The following GRID2 variants were observed in gnomAD, a reference collection of about 807,000 sequenced individuals.
GRID2 encodes glutamate ionotropic receptor delta type subunit 2.
A neutral mutation model predicts 114.8 loss-of-function variants in GRID2; 33 were observed. The ratio of observed to expected loss-of-function variants is 0.29; its 90% CI spans 0.22 to 0.38. The LOEUF is 0.38. GRID2 is among the 10% of genes least tolerant of loss of function. The pLI is 1.00. For synonymous variants in GRID2, 505 were observed against 449.9 expected, an observed-to-expected ratio of 1.12 and a Z score of -1.55; for missense variants, 1,184 against 1,257.7, an observed-to-expected ratio of 0.94 and a Z score of 0.89.
At chr4:92,652,527 TAA>T (rs1162534122) in intron 2 of GRID2, among the ~76,000 whole-genome samples, 4 of 150,718 alleles carry the variant, frequency 2.7e-5, no homozygotes, top group African/African-American at 9.8e-5. Context: ...AAAAAAAAAT[TAA>T]AAGTTAGCCA....
chr4:93,058,875 T>C (rs2149290172), intron 2 of GRID2, among the ~76,000 whole-genome samples: 1 of 152,140 alleles, frequency 6.6e-6, no homozygotes, highest in African/African-American at 2.4e-5. Flanking sequence ...TATATTAAAA[T>C]AACTGCATTA....
chr4:93,120,809 C>T lies in GRID2; in HGVS notation c.735+9856C>T, dbSNP rs1488704871. Among the ~76,000 whole-genome samples, 6 of 151,926 alleles carry T rather than the reference C, an allele frequency of 3.9e-5. No individual in the cohort carries two copies. In the South Asian group the frequency reaches 8.3e-4, roughly 21 times the overall value. On this transcript the variant is annotated intron_variant, in intron 4 of 15. Coordinates refer to ENST00000282020, the MANE Select transcript of GRID2 (RefSeq NM_001510.4). ...TCTACTAAAAACACAAAAAATTAGC[C>T]GGGCATGGTGGCGGGCACCTGTAGT...
chr4:93,333,425 T>G (rs1252588814), intron 8 of GRID2, among the ~76,000 whole-genome samples: 1 of 152,172 alleles, frequency 6.6e-6, no homozygotes. Context: ...TCCATAAACT[T>G]TTCAGTGTGT....
At chr4:92,569,892 T>C (rs1209850448) in intron 1 of GRID2, among the ~76,000 whole-genome samples, 2 of 152,152 alleles carry the variant, frequency 1.3e-5, no homozygotes, top group Non-Finnish European at 2.9e-5. Flanking sequence ...GCAAAAACTT[T>C]CTCCCATTCT....
At chr4:93,325,948 G>T (rs2149218140) in intron 8 of GRID2, among the ~76,000 whole-genome samples, 2 of 152,194 alleles carry the variant, frequency 1.3e-5, no homozygotes, top group Middle Eastern at 6.8e-3. Flanking sequence ...TACATTTTGT[G>T]TTACTCCTTT....
intron 1 of GRID2, among the ~76,000 whole-genome samples, chr4:92,440,819 G>T (rs932359339): frequency 3.3e-5 from 5 of 152,284 alleles, no homozygotes; most frequent in Admixed American, 6.5e-5. Flanking sequence ...TGGGGGTCAA[G>T]TGTGGTATCA....
chr4:92,990,271 A>T (rs1754792035), intron 2 of GRID2, among the ~76,000 whole-genome samples: 1 of 130,532 alleles, frequency 7.7e-6, no homozygotes, highest in Non-Finnish European at 1.6e-5. Context: ...ATATATATGT[A>T]CGTAGATATG....
At chr4:93,011,068 A>T (rs987139143) in intron 2 of GRID2, among the ~76,000 whole-genome samples, 1 of 151,160 alleles carries the variant, frequency 6.6e-6, no homozygotes, top group Non-Finnish European at 1.5e-5. Context: ...CTGATTAGAA[A>T]TATAATTTTT....
intron 2 of GRID2, among the ~76,000 whole-genome samples, chr4:92,904,373 T>C (rs1747801419): frequency 6.6e-6 from 1 of 151,096 alleles, no homozygotes; most frequent in South Asian, 2.1e-4. Flanking sequence ...TCAATAAATG[T>C]AAATATTATC....
intron 2 of GRID2, among the ~76,000 whole-genome samples, chr4:92,755,030 C>G (rs902306997): frequency 6.6e-6 from 1 of 152,080 alleles, no homozygotes; most frequent in African/African-American, 2.4e-5. Flanking sequence ...CTGCAATTCC[C>G]CTACAAAGAG....
Position 93,084,996 on chromosome 4 carries a change from C to G in GRID2, c.246C>G (p.Ala82=). The G allele has an allele frequency of 6.2e-7, 1 of 1,613,194 alleles. No homozygotes were observed. Residue 82 remains alanine, a splice_region_variant and synonymous_variant, in exon 3 of 16, where the codon GCC becomes GCG. Transcript: ENST00000282020. ...GAATATTACTGTGCTTTCTTGCAGC[C>G]TGTGAACTTATGAATCAAGGCATCT... The part of the protein sequence containing the change: ...GNNPFQAVQE[A]CELMNQGILA...
intron 1 of GRID2, among the ~76,000 whole-genome samples, chr4:92,532,706 A>G (rs1417894183): frequency 6.6e-6 from 1 of 152,206 alleles, no homozygotes; most frequent in East Asian, 1.9e-4. Context: ...GTATTTATCA[A>G]GCTAAGTCAT....
intron 2 of GRID2, among the ~76,000 whole-genome samples, chr4:93,012,625 T>C (rs1043908965): frequency 1.3e-5 from 2 of 151,924 alleles, no homozygotes; most frequent in Non-Finnish European, 2.9e-5. Context: ...CTTGAGTTTT[T>C]GGATCAAAAG....
intron 8 of GRID2, among the ~76,000 whole-genome samples, chr4:93,250,130 T>C (rs776673874): frequency 2.9e-4 from 44 of 152,126 alleles, no homozygotes; most frequent in Admixed American, 1.4e-3. Flanking sequence ...ATAAAGAAAA[T>C]GTGGCACATA....
At chr4:93,258,854 T>G (rs1749921594) in intron 8 of GRID2, 1 of 451,810 alleles carries the variant, frequency 2.2e-6, no homozygotes, top group Non-Finnish European at 4.4e-6. Context: ...CAAACACAAC[T>G]ACTGCAAGAT....
intron 2 of GRID2, among the ~76,000 whole-genome samples, chr4:93,076,291 T>C (rs941772401): frequency 6.6e-6 from 1 of 152,070 alleles, no homozygotes; most frequent in African/African-American, 2.4e-5. Context: ...TAGCAAGGAA[T>C]AGGAACTAGA....
At chr4:92,844,957 T>C (rs1055090553) in intron 2 of GRID2, among the ~76,000 whole-genome samples, 12 of 152,138 alleles carry the variant, frequency 7.9e-5, no homozygotes, top group African/African-American at 2.9e-4. Flanking sequence ...TAATAATAAA[T>C]TTGTGGCTGT....
intron 2 of GRID2, among the ~76,000 whole-genome samples, chr4:92,804,300 C>G (rs193270818): frequency 3.9e-5 from 6 of 151,900 alleles, no homozygotes; most frequent in East Asian, 1.9e-4. Context: ...TTTTACAAAA[C>G]ATTTCAAAGG....
chr4:93,022,381 A>C (rs565169158), intron 2 of GRID2, among the ~76,000 whole-genome samples: 1 of 152,038 alleles, frequency 6.6e-6, no homozygotes, highest in Admixed American at 6.6e-5. Context: ...TATGCATTCT[A>C]ATTCGTTGTG....
Sources: gnomAD v4.1 joint callset for allele counts (sites outside exome capture counted in the v4.1 genomes callset) on GRCh38, gnomAD v4.1.1 for gene constraint, MANE v1.5 for transcripts, NCBI Gene and HGNC (gene_info 2026-07-23, HGNC 2026-07-21) for gene names.